Variants in SEZ6L2 observed in about 807,000 individuals in gnomAD.
SEZ6L2 encodes the protein seizure 6-like protein 2.
In SEZ6L2, 44 loss-of-function variants were observed where a neutral mutation model predicts 97.0. That is an observed-to-expected ratio of 0.45 (90% confidence interval 0.36 to 0.58). The LOEUF (loss-of-function observed/expected upper bound fraction) is 0.58. Among genes scored for constraint, SEZ6L2 ranks in the 20% least tolerant of loss-of-function variants. The pLI is 0.00. For synonymous variants in SEZ6L2, 543 were observed against 546.1 expected (o/e 0.99, Z 0.08); for missense variants, 1,086 against 1,233.3 (o/e 0.88, Z 1.79).
At chr16:29,878,572 T>C in intron 9 of SEZ6L2, 147 bp from the exon 10 acceptor site, 1 of 572,656 alleles carries the variant, frequency 1.7e-6, no homozygotes, top group East Asian at 3.6e-5. Flanking sequence ...TATTCTTTTA[T>C]TTTATTTATT....
At chr16:29,877,582 C>T in intron 10 of SEZ6L2, 115 bp from the exon 11 acceptor site, 10 of 962,666 alleles carry the variant, frequency 1.0e-5, no homozygotes, top group Non-Finnish European at 1.5e-5. Context: ...CAGCCCCGCC[C>T]ATATTCTCCT....
intron 8 of SEZ6L2, 24 bp from the exon 9 acceptor site, chr16:29,880,088 A>C: frequency 1.2e-6 from 2 of 1,610,866 alleles, no homozygotes; most frequent in Non-Finnish European, 1.7e-6. Context: ...AGTCATAACA[A>C]TTAAGCATTA....
chr16:29,891,069 G>A (rs192245731), intron 5 of SEZ6L2, among the ~76,000 whole-genome samples: 1 of 152,192 alleles, frequency 6.6e-6, no homozygotes, highest in Non-Finnish European at 1.5e-5. Context: ...AGCCTCCTGA[G>A]TAGCTGGGAT....
At chr16:29,893,738 T>C (rs940921366) in intron 5 of SEZ6L2, among the ~76,000 whole-genome samples, 10 of 152,166 alleles carry the variant, frequency 6.6e-5, no homozygotes, top group Non-Finnish European at 1.3e-4. Context: ...TAAGGCTCTT[T>C]ATGGTCTGAA....
chr16:29,876,504 G>A lies in SEZ6L2; in HGVS notation c.2104+252C>T, dbSNP rs2067906582. ...CGTGAGACGAGGAAACAGGGACCGA[G>A]CCCAGGTCGGTGCAAGAAAGAGGGA... On this transcript the variant is annotated intron_variant, in intron 12 of 17. Coordinates refer to ENST00000617533, the MANE Select transcript of SEZ6L2 (RefSeq NM_001243332.2). This position sits in a 1 kb window ranked among gnomAD's most constrained non-coding sequence, Gnocchi z 6.5. Among the ~76,000 whole-genome samples, 1 of 151,946 alleles carries A rather than the reference G, an allele frequency of 6.6e-6. No homozygotes were observed. Among genetic ancestry groups the A allele is most frequent in the African/African-American group, 2.4e-5 (1 of 41,356 alleles).
chr16:29,885,844 C>T, intron 7 of SEZ6L2, 95 bp from the exon 8 acceptor site: 1 of 1,251,380 alleles, frequency 8.0e-7, no homozygotes, highest in Non-Finnish European at 1.1e-6. Flanking sequence ...TAGCTGTTAT[C>T]ATCACACATA....
intron 1 of SEZ6L2, among the ~76,000 whole-genome samples, chr16:29,898,629 A>G (rs764417364): frequency 6.6e-6 from 1 of 151,788 alleles, no homozygotes; most frequent in Non-Finnish European, 1.5e-5. Context: ...CAGCACCTCC[A>G]TCTCCCACCC....
chr16:29,880,137 T>A, intron 8 of SEZ6L2, 73 bp from the exon 9 acceptor site: 1 of 1,416,246 alleles, frequency 7.1e-7, no homozygotes, highest in South Asian at 1.3e-5. Flanking sequence ...GGATGTGGGC[T>A]GAATTGGGGT....
In SEZ6L2 at chr16:29,899,309, C is replaced by G; in HGVS notation, c.-290G>C. 1 of 404,880 alleles carries G rather than the reference C, an allele frequency of 2.5e-6. No homozygotes were observed. Among genetic ancestry groups the G allele is most frequent in the Non-Finnish European group, 4.4e-6 (1 of 226,702 alleles). 25.1% of individuals were successfully genotyped at this position (404,880 alleles called of 1,614,324 possible). ...CTGCAGGGGGTGGGGCCGAGAGGGC[C>G]GAAGGGGCCGGGTGGCCTGGGTTAC... On this transcript the variant is annotated 5_prime_UTR_variant, in exon 1 of 18. Transcript: ENST00000617533.
chr16:29,885,445 T>G (rs2068116676), intron 8 of SEZ6L2, 141 bp downstream of exon 8: 3 of 857,270 alleles, frequency 3.5e-6, no homozygotes, highest in South Asian at 1.7e-5. Context: ...CTTGCAGTTT[T>G]GGGGCAGGGA....
chr16:29,892,205 C>CCCT (rs1390780514), intron 5 of SEZ6L2, among the ~76,000 whole-genome samples: 5 of 152,162 alleles, frequency 3.3e-5, no homozygotes, highest in African/African-American at 1.2e-4. Context: ...CCACTCTGGA[C>CCCT]CAGAGGCCCC....
Position 29,876,898 on chromosome 16 carries a change from C to T in SEZ6L2, c.1962G>A (p.Trp654Ter). The T allele has an allele frequency of 1.9e-6, 3 of 1,613,424 alleles. No individual in the cohort carries two copies. The highest frequency in any genetic ancestry group is 2.5e-6 in the Non-Finnish European group (3 of 1,179,660). The change falls in exon 12 of 18, where the codon TGG (tryptophan) becomes TGA (stop). Residue 654 changes from tryptophan (W) to a stop codon, truncating the protein, a stop_gained. Coordinates refer to ENST00000617533, the MANE Select transcript of SEZ6L2 (RefSeq NM_001243332.2). LOFTEE classifies it high-confidence loss of function. This position sits in a 1 kb window ranked among gnomAD's most constrained non-coding sequence, Gnocchi z 6.5. ...CPELPPPEWG[W>*]RTASHGDLIR... ...TCAGGTCCCCGTGGGATGCCGTTCT[C>T]CAGCCCCACTCCGGAGGTGGCAGCT...
chr16:29,895,232 T>C, intron 5 of SEZ6L2, 27 bp downstream of exon 5: 1 of 1,552,078 alleles, frequency 6.4e-7, no homozygotes, highest in South Asian at 1.1e-5. Context: ...GCCCCTGCCC[T>C]TCCAGCAGCA....
intron 17 of SEZ6L2, among the ~76,000 whole-genome samples, chr16:29,871,958 G>A (rs1313654351): frequency 1.3e-5 from 2 of 152,088 alleles, no homozygotes; most frequent in South Asian, 2.1e-4. Flanking sequence ...CCTCAGTTTC[G>A]ACTATGGGGT....
At chr16:29,895,538 G>T in intron 4 of SEZ6L2, 78 bp from the exon 5 acceptor site, 2 of 1,525,500 alleles carry the variant, frequency 1.3e-6, no homozygotes, top group African/African-American at 1.4e-5. Context: ...CTGTGCCTTT[G>T]CCCTGTGTGT....
chr16:29,877,079 C>G (rs2067921202), intron 11 of SEZ6L2, 129 bp from the exon 12 acceptor site: 1 of 1,133,654 alleles, frequency 8.8e-7, no homozygotes, highest in African/African-American at 1.6e-5. Context: ...ACAGGGTTTC[C>G]TGTCGCCCAG....
rs1425683562 is a variant in SEZ6L2 at position 29,896,984 on chromosome 16, G to A, written c.349C>T (p.Pro117Ser). 6.3e-7 allele frequency: 1 copy of A among 1,591,466 alleles called. No individual in the cohort carries two copies. The highest frequency in any genetic ancestry group is 8.5e-7 in the Non-Finnish European group (1 of 1,171,316). ...GGGGTCAGCAGTTCTGGCGCAGTGGGGCCTGCCCCCCTGACCCCGTTAGGG... is the reference window on the plus strand; with the variant it reads ...GGGGTCAGCAGTTCTGGCGCAGTGGAGCCTGCCCCCCTGACCCCGTTAGGG... The part of the protein sequence containing the change: ...VTPNGVRGAG[P>S]TAPELLTPPP... Residue 117 changes from proline to serine, a missense_variant, in exon 3 of 18, where the codon CCC becomes TCC. Pro to Ser is a moderately conservative substitution (Grantham distance 74). Around this residue, in one of 2 missense-constraint regions of SEZ6L2, gnomAD observed 776 missense variants for 794.7 expected, o/e 0.98. Transcript: ENST00000617533.
At chr16:29,880,186 ACAGTCTTGTGCTGTCGC>A in intron 8 of SEZ6L2, 122 bp from the exon 9 acceptor site, 1 of 880,232 alleles carries the variant, frequency 1.1e-6, no homozygotes, top group East Asian at 2.7e-5. Flanking sequence ...TTTTTTTTAA[ACAGTCTTGTGCTGTCGC>A]CCAGGCTGGA....
chr16:29,878,826 C>A (rs1215926963), intron 9 of SEZ6L2, among the ~76,000 whole-genome samples: 1 of 145,936 alleles, frequency 6.9e-6, no homozygotes, highest in Non-Finnish European at 1.5e-5. Flanking sequence ...AGAATGGTCT[C>A]GATCTCCTGA....
Sources: gnomAD v4.1 joint callset for allele counts (sites outside exome capture counted in the v4.1 genomes callset) on GRCh38, gnomAD v4.1.1 for gene constraint, gnomAD v4.1.1 regional missense constraint, Gnocchi (gnomAD v3.1) non-coding constraint, MANE v1.5 for transcripts, NCBI Gene and HGNC (gene_info 2026-07-23, HGNC 2026-07-21) for gene names.